Variants in SORCS3 observed in about 807,000 individuals in gnomAD.
SORCS3 encodes VPS10 domain-containing receptor SorCS3.
A neutral mutation model predicts 146.3 loss-of-function variants in SORCS3; 57 were observed. The observed-to-expected ratio is 0.39, with a 90% CI of 0.31 to 0.49. The LOEUF (loss-of-function observed/expected upper bound fraction) is 0.49, where lower values mean the gene tolerates loss of function less well. Ranked by LOEUF, SORCS3 falls within the 20% of genes least tolerant of loss-of-function variation. SORCS3 has a pLI of 0.92. For missense variants in SORCS3, 1,341 were observed against 1,575.5 expected (o/e 0.85, Z 2.52); for synonymous variants, 653 against 618.5 (o/e 1.06, Z -0.83).
At chr10:104,789,774 C>G (rs2017475774) in intron 1 of SORCS3, among the ~76,000 whole-genome samples, 1 of 152,196 alleles carries the variant, frequency 6.6e-6, no homozygotes, top group African/African-American at 2.4e-5. Context: ...GGGATGGGCT[C>G]TGTCTGTCCT....
chr10:104,850,779 C>T (rs1410156120), intron 2 of SORCS3, among the ~76,000 whole-genome samples: 2 of 152,134 alleles, frequency 1.3e-5, no homozygotes, highest in Non-Finnish European at 2.9e-5. Context: ...ACTCTGAGTC[C>T]ACAGTCTCTG....
rs544465791 is a variant in SORCS3 at position 104,644,839 on chromosome 10, G to A, written c.627+2885G>A. Reference sequence around the variant, plus strand: ...TGATATGAGTTCCCTTTTGGGGAGCGTTTTCAGTAACCCTATGAAATTGAA... The same window carrying A: ...TGATATGAGTTCCCTTTTGGGGAGCATTTTCAGTAACCCTATGAAATTGAA... On this transcript the variant is annotated intron_variant, in intron 1 of 26. Transcript: ENST00000369701. Among the ~76,000 whole-genome samples the A allele has an allele frequency of 9.8e-5, 15 of 152,290 alleles. No individual in the cohort carries two copies. The South Asian group carries it at 1.2e-3, about 13-fold the overall frequency.
At chr10:104,735,412 C>T (rs935242785) in intron 1 of SORCS3, among the ~76,000 whole-genome samples, 3 of 139,470 alleles carry the variant, frequency 2.2e-5, no homozygotes, top group African/African-American at 8.1e-5. Context: ...ATGTTTATTT[C>T]GGGCTGGAGC....
At chr10:104,905,661 A>G (rs1047863595) in intron 2 of SORCS3, among the ~76,000 whole-genome samples, 19 of 152,324 alleles carry the variant, frequency 1.2e-4, no homozygotes, top group Admixed American at 1.2e-3. Flanking sequence ...TCATGCACAC[A>G]AAGTTAAATA....
At chr10:104,722,226 T>C (rs2016558709) in intron 1 of SORCS3, among the ~76,000 whole-genome samples, 1 of 152,224 alleles carries the variant, frequency 6.6e-6, no homozygotes, top group South Asian at 2.1e-4. Flanking sequence ...TCTGCATCTA[T>C]TGAGATAATC....
chr10:104,746,317 T>C (rs1016348315), intron 1 of SORCS3, among the ~76,000 whole-genome samples: 3 of 152,102 alleles, frequency 2.0e-5, no homozygotes, highest in Admixed American at 6.5e-5. Flanking sequence ...TTTGTATTTT[T>C]AGTAGAGACG....
intron 7 of SORCS3, among the ~76,000 whole-genome samples, chr10:105,111,184 G>T (rs560643186): frequency 2.8e-4 from 42 of 151,956 alleles, no homozygotes; most frequent in African/African-American, 1.0e-3. Context: ...TTTTTTTCCT[G>T]CCTGGGATGT....
At chr10:104,736,398 A>G in intron 1 of SORCS3, among the ~76,000 whole-genome samples, 1 of 152,224 alleles carries the variant, frequency 6.6e-6, no homozygotes, top group East Asian at 1.9e-4. Context: ...GAGAGAAATT[A>G]ACACTCAAGT....
chr10:105,098,912 G>C (rs1266904574), intron 6 of SORCS3, among the ~76,000 whole-genome samples: 2 of 152,194 alleles, frequency 1.3e-5, no homozygotes, highest in Non-Finnish European at 2.9e-5. Flanking sequence ...GTAACTGCCA[G>C]ATTGCCTCCT....
intron 1 of SORCS3, among the ~76,000 whole-genome samples, chr10:104,744,681 A>T (rs1380911142): frequency 6.6e-6 from 1 of 152,198 alleles, no homozygotes; most frequent in Non-Finnish European, 1.5e-5. Context: ...TCCCACACTG[A>T]TGCTAGGTTT....
At chr10:105,146,087 A>G (rs1327941164) in intron 8 of SORCS3, among the ~76,000 whole-genome samples, 1 of 152,142 alleles carries the variant, frequency 6.6e-6, no homozygotes, top group African/African-American at 2.4e-5. Flanking sequence ...AGTGCTTTCC[A>G]TCACAGCAAC....
intron 1 of SORCS3, among the ~76,000 whole-genome samples, chr10:104,695,370 T>C (rs1275410563): frequency 6.6e-6 from 1 of 151,574 alleles, no homozygotes; most frequent in Non-Finnish European, 1.5e-5. Flanking sequence ...AGTCGATGGT[T>C]ACCAGTGGGA....
At chr10:104,789,509 C>G (rs1013239908) in intron 1 of SORCS3, among the ~76,000 whole-genome samples, 1 of 152,178 alleles carries the variant, frequency 6.6e-6, no homozygotes, top group African/African-American at 2.4e-5. Flanking sequence ...ACACATCTCT[C>G]CCTGGGCTTT....
intron 1 of SORCS3, among the ~76,000 whole-genome samples, chr10:104,777,105 AC>A (rs1201107135): frequency 2.6e-5 from 4 of 151,982 alleles, no homozygotes; most frequent in Non-Finnish European, 4.4e-5. Context: ...TCCTTCTGGG[AC>A]CCCAGAATTA....
chr10:104,897,630 A>G (rs1352660331), intron 2 of SORCS3, among the ~76,000 whole-genome samples: 1 of 152,230 alleles, frequency 6.6e-6, no homozygotes, highest in Non-Finnish European at 1.5e-5. Context: ...TGACTTTCTC[A>G]TACATTTATA....
intron 1 of SORCS3, among the ~76,000 whole-genome samples, chr10:104,721,863 TA>T (rs2016554123): frequency 6.6e-6 from 1 of 152,216 alleles, no homozygotes; most frequent in Admixed American, 6.5e-5. Context: ...CCTATCAGCT[TA>T]AGGAGATTTT....
intron 1 of SORCS3, among the ~76,000 whole-genome samples, chr10:104,751,730 G>A (rs919241844): frequency 2.0e-5 from 3 of 151,218 alleles, no homozygotes; most frequent in Non-Finnish European, 4.4e-5. Flanking sequence ...TAATCCCATC[G>A]CAGGGAAGGT....
At chr10:104,958,253 C>T (rs1222882868) in intron 3 of SORCS3, among the ~76,000 whole-genome samples, 1 of 152,062 alleles carries the variant, frequency 6.6e-6, no homozygotes, top group Non-Finnish European at 1.5e-5. Flanking sequence ...ACTTAGTAAT[C>T]AATTGTTACT....
chr10:104,820,051 G>A (rs1206345462), intron 1 of SORCS3, among the ~76,000 whole-genome samples: 1 of 152,182 alleles, frequency 6.6e-6, no homozygotes, highest in Non-Finnish European at 1.5e-5. Flanking sequence ...GGAGATTCTA[G>A]TGGAGGTTCT....
Sources: gnomAD v4.1 joint callset for allele counts (sites outside exome capture counted in the v4.1 genomes callset) on GRCh38, gnomAD v4.1.1 for gene constraint, MANE v1.5 for transcripts, NCBI Gene and HGNC (gene_info 2026-07-23, HGNC 2026-07-21) for gene names.